AOPEP: variants seen among roughly 807,000 people sequenced by gnomAD.
The protein encoded by AOPEP is aminopeptidase O (putative), also known as aminopeptidase O.
Under a neutral mutation model 98.1 loss-of-function variants are expected in AOPEP, and 77 were observed. That is an observed-to-expected ratio of 0.78 (90% confidence interval 0.65 to 0.95). The LOEUF is 0.95. Among genes scored for constraint, AOPEP ranks in the 40% least tolerant of loss-of-function variants. The pLI is 0.00. For missense variants in AOPEP, 1,024 were observed against 1,024.7 expected (o/e 1.00, Z 0.01); for synonymous variants, 346 against 365.3 (o/e 0.95, Z 0.60).
At chr9:94,888,009 AAT>A (rs1049415474) in intron 5 of AOPEP, among the ~76,000 whole-genome samples, 4 of 151,716 alleles carry the variant, frequency 2.6e-5, no homozygotes, top group African/African-American at 4.8e-5. Context: ...GACTATTGAA[AAT>A]ATGTTTGTTC....
In AOPEP at chr9:94,883,110, C is replaced by T. The variant is rs55884189; in HGVS notation, c.1365-40876C>T. Among the ~76,000 whole-genome samples, 796 of 152,222 alleles carry T rather than the reference C, an allele frequency of 5.2e-3. 12 individuals are homozygous for T. Among genetic ancestry groups the T allele is most frequent in the South Asian group, 0.044 (214 of 4,828 alleles). On this transcript the variant is annotated intron_variant, in intron 5 of 16. Coordinates refer to ENST00000375315, the MANE Select transcript of AOPEP (RefSeq NM_001193329.3). ...GTGGAGCTTGGGATTTGAGAGAAAA[C>T]TCACCCACAAACCTCCAGTTACAAA...
intron 5 of AOPEP, among the ~76,000 whole-genome samples, chr9:94,838,384 C>A (rs1367444260): frequency 1.3e-5 from 2 of 152,122 alleles, no homozygotes; most frequent in African/African-American, 4.8e-5. Context: ...GCATCTTTAT[C>A]AAAAATCAGT....
intron 13 of AOPEP, among the ~76,000 whole-genome samples, chr9:95,008,736 T>C (rs1405996090): frequency 6.6e-6 from 1 of 152,214 alleles, no homozygotes; most frequent in Non-Finnish European, 1.5e-5. Context: ...CACCAGAGAA[T>C]TGTGCCATCT....
chr9:94,840,350 TTTGA>T (rs2042131282), intron 5 of AOPEP, among the ~76,000 whole-genome samples: 1 of 152,222 alleles, frequency 6.6e-6, no homozygotes, highest in Non-Finnish European at 1.5e-5. Flanking sequence ...TAAAATCACA[TTTGA>T]TTCTGATGTA....
intron 1 of AOPEP, among the ~76,000 whole-genome samples, chr9:94,732,282 C>A (rs1839962112): frequency 2.0e-5 from 3 of 150,328 alleles, no homozygotes; most frequent in Admixed American, 1.3e-4. Flanking sequence ...ATGAGCATAA[C>A]CTACATTATT....
the AOPEP span, among the ~76,000 whole-genome samples, chr9:95,112,656 T>C: frequency 6.6e-6 from 1 of 152,226 alleles, no homozygotes; most frequent in Non-Finnish European, 1.5e-5. Flanking sequence ...GGTAGACAGA[T>C]GCACAGAGCA....
At chr9:95,092,997 TACGGCATA>T in the AOPEP span, among the ~76,000 whole-genome samples, 1 of 152,234 alleles carries the variant, frequency 6.6e-6, no homozygotes, top group Non-Finnish European at 1.5e-5. Flanking sequence ...GAACATGAAT[TACGGCATA>T]ACTCAGAGAT....
intron 5 of AOPEP, among the ~76,000 whole-genome samples, chr9:94,817,425 A>G (rs146145840): frequency 1.3e-5 from 2 of 152,332 alleles, no homozygotes; most frequent in Non-Finnish European, 2.9e-5. Context: ...GAAATGCTGC[A>G]TGGACGAGTG....
chr9:94,774,229 G>A lies in AOPEP; in HGVS notation c.964+1061G>A, dbSNP rs575601466. Among the ~76,000 whole-genome samples the A allele has an allele frequency of 5.4e-5, 8 of 149,186 alleles. No homozygotes were observed. In the East Asian group the frequency reaches 1.4e-3, roughly 26 times the overall value. The stretch of plus-strand genomic sequence containing the variant: ...CGGGAGGCTGAGGCAGGAGAATGGC[G>A]TGAACCTGGGAGATGGAGCTTGCAG... On this transcript the variant is annotated intron_variant, in intron 3 of 16. Coordinates refer to ENST00000375315, the MANE Select transcript of AOPEP (RefSeq NM_001193329.3).
chr9:94,976,329 A>C (rs1441643914), intron 10 of AOPEP, among the ~76,000 whole-genome samples: 2 of 151,754 alleles, frequency 1.3e-5, no homozygotes, highest in Admixed American at 6.6e-5. Flanking sequence ...CCCAGCCCCC[A>C]CTCCATGCCA....
At chr9:94,960,685 C>A (rs148201001) in intron 9 of AOPEP, among the ~76,000 whole-genome samples, 260 of 152,106 alleles carry the variant, frequency 1.7e-3, no homozygotes, top group African/African-American at 6.0e-3. Flanking sequence ...TCGTTGCAGA[C>A]TCACAGGCTC....
intron 5 of AOPEP, among the ~76,000 whole-genome samples, chr9:94,810,327 T>TG (rs1850251317): frequency 6.6e-6 from 1 of 151,686 alleles, no homozygotes; most frequent in South Asian, 2.1e-4. Flanking sequence ...TTGTTTTTTT[T>TG]TTTTTGAGAC....
Position 94,956,013 on chromosome 9 carries a change from C to T in AOPEP, c.1870C>T (p.Gln624Ter). Residue 624 changes from glutamine to a stop codon, truncating the protein, a stop_gained and splice_region_variant, in exon 9 of 17, where the codon CAG becomes TAG. Coordinates refer to ENST00000375315, the MANE Select transcript of AOPEP (RefSeq NM_001193329.3). LOFTEE classifies it high-confidence loss of function. ...ATTTCATGGACAGCTGATTCTTTCC[C>T]AGGTAACTTATGGGTCCTCATGAGT... is the stretch of plus-strand genomic sequence containing the variant. ...HTFHGQLILS[Q>*]DFLQMLLENI... is the part of the protein sequence containing the mutation. 5 of 1,602,404 alleles carry T rather than the reference C, an allele frequency of 3.1e-6. No homozygotes were observed. The highest frequency in any genetic ancestry group is 4.3e-6 in the Non-Finnish European group (5 of 1,169,938).
intron 13 of AOPEP, among the ~76,000 whole-genome samples, chr9:95,015,597 A>G (rs550038558): frequency 6.6e-6 from 1 of 152,336 alleles, no homozygotes; most frequent in Non-Finnish European, 1.5e-5. Flanking sequence ...AGATGTAGAA[A>G]ACTATTATAG....
At chr9:94,969,732 G>T (rs534869664) in intron 10 of AOPEP, among the ~76,000 whole-genome samples, 1 of 152,152 alleles carries the variant, frequency 6.6e-6, no homozygotes, top group Non-Finnish European at 1.5e-5. Context: ...AGCAAAATTG[G>T]TATTCAAACA....
chr9:94,819,471 C>G (rs1852487733), intron 5 of AOPEP, among the ~76,000 whole-genome samples: 2 of 152,234 alleles, frequency 1.3e-5, no homozygotes, highest in South Asian at 4.1e-4. Flanking sequence ...CAGGCCAGCC[C>G]TCCCCGGGGC....
chr9:94,997,912 T>C (rs1374485523), intron 11 of AOPEP, among the ~76,000 whole-genome samples: 2 of 152,108 alleles, frequency 1.3e-5, no homozygotes, highest in African/African-American at 2.4e-5. Flanking sequence ...TTGCCCAGGC[T>C]GGTCTTGAAC....
chr9:94,871,310 A>G (rs2046323658), intron 5 of AOPEP, among the ~76,000 whole-genome samples: 1 of 152,194 alleles, frequency 6.6e-6, no homozygotes, highest in Non-Finnish European at 1.5e-5. Context: ...TCTTTTATTT[A>G]TCATCTACCC....
At chr9:94,828,539 A>G (rs961485589) in intron 5 of AOPEP, among the ~76,000 whole-genome samples, 3 of 152,218 alleles carry the variant, frequency 2.0e-5, no homozygotes, top group African/African-American at 7.2e-5. Flanking sequence ...TCACCAAAAC[A>G]GTCATCAGTG....
Sources: allele counts gnomAD v4.1 joint callset (sites outside exome capture counted in the v4.1 genomes callset), GRCh38; gene constraint gnomAD v4.1.1; transcripts MANE v1.5; gene names NCBI Gene and HGNC (gene_info 2026-07-23, HGNC 2026-07-21).